PARD3B: variants seen among roughly 807,000 people sequenced by gnomAD.
PARD3B encodes the protein par-3 family cell polarity regulator beta.
A neutral mutation model predicts 130.2 loss-of-function variants in PARD3B; 103 were observed. The ratio of observed to expected loss-of-function variants is 0.79; its 90% CI spans 0.67 to 0.93. PARD3B has a LOEUF of 0.93. PARD3B is among the 40% of genes least tolerant of loss of function. PARD3B has a pLI of 0.00. For missense variants in PARD3B, 1,609 were observed against 1,499.2 expected (o/e 1.07, Z -1.21); for synonymous variants, 583 against 553.2 (o/e 1.05, Z -0.76).
intron 16 of PARD3B, among the ~76,000 whole-genome samples, chr2:205,279,078 A>AAAAAC (rs1553657173): frequency 1.1e-4 from 16 of 149,272 alleles, no homozygotes; most frequent in Non-Finnish European, 2.4e-4. Context: ...CTCAAAAAAA[A>AAAAAC]AAAAAAAAAA....
rs1175389832 is a variant in PARD3B at position 205,572,595 on chromosome 2, A to C, written c.3260+19192A>C. ...CCTCATCTCTACTAAAATACAAAAA[A>C]TTAGCCGGGCATAGTGGTGGGCACC... On this transcript the variant is annotated intron_variant, in intron 22 of 22. Coordinates refer to ENST00000406610, the MANE Select transcript of PARD3B (RefSeq NM_001302769.2). This position sits in a 1 kb window ranked among gnomAD's most constrained non-coding sequence, Gnocchi z 4.2. 6.6e-6 allele frequency among the ~76,000 whole-genome samples: 1 copy of C among 152,156 alleles called. No homozygotes were observed. Among genetic ancestry groups the C allele is most frequent in the East Asian group, 1.9e-4 (1 of 5,188 alleles).
intron 4 of PARD3B, among the ~76,000 whole-genome samples, chr2:205,069,985 C>T (rs894950957): frequency 6.6e-6 from 1 of 152,130 alleles, no homozygotes; most frequent in Non-Finnish European, 1.5e-5. Flanking sequence ...TCCTGTGATA[C>T]CCCACCCTTG....
Position 205,550,973 on chromosome 2 carries a change from A to G in PARD3B, c.3181-2351A>G, listed in dbSNP as rs200716850. On this transcript the variant is annotated intron_variant, in intron 21 of 22. Coordinates refer to ENST00000406610, the MANE Select transcript of PARD3B (RefSeq NM_001302769.2). The surrounding 1 kb of genome is among the most constrained non-coding windows in gnomAD (Gnocchi z 4.5). ...TATATGTGTATATATATATATATAT[A>G]TATACACACACACACACACACACAC... Among the ~76,000 whole-genome samples the G allele has an allele frequency of 1.3e-3, 130 of 100,624 alleles. 1 individual carries two copies. The East Asian group carries it at 0.034, about 26-fold the overall frequency. 66.0% of individuals were successfully genotyped at this position (100,624 alleles called of 152,430 possible).
chr2:204,823,383 TA>T (rs1450005031), intron 2 of PARD3B, among the ~76,000 whole-genome samples: 1 of 151,878 alleles, frequency 6.6e-6, no homozygotes, highest in Non-Finnish European at 1.5e-5. Context: ...AATAAAATAA[TA>T]TATATTATTT....
chr2:204,773,997 C>G (rs2041504631), intron 2 of PARD3B, among the ~76,000 whole-genome samples: 1 of 151,920 alleles, frequency 6.6e-6, no homozygotes, highest in African/African-American at 2.4e-5. Context: ...TTGACTCTGG[C>G]CATATTAGCT....
At chr2:204,756,582 A>G (rs2040683821) in intron 2 of PARD3B, among the ~76,000 whole-genome samples, 1 of 152,146 alleles carries the variant, frequency 6.6e-6, no homozygotes, top group East Asian at 1.9e-4. Context: ...TTTTCAACTG[A>G]AAGTAGACAT....
chr2:204,611,818 A>G (rs1390242216), intron 1 of PARD3B, among the ~76,000 whole-genome samples: 1 of 146,696 alleles, frequency 6.8e-6, no homozygotes, highest in Non-Finnish European at 1.5e-5. Flanking sequence ...GGGTATAGGA[A>G]CAACAACAAC....
chr2:204,765,728 C>T (rs1483027844), intron 2 of PARD3B, among the ~76,000 whole-genome samples: 2 of 152,100 alleles, frequency 1.3e-5, no homozygotes, highest in Non-Finnish European at 2.9e-5. Context: ...GAACATTTAT[C>T]AGGTGCCCTT....
intron 21 of PARD3B, among the ~76,000 whole-genome samples, chr2:205,528,098 C>A (rs1420804442): frequency 6.6e-6 from 1 of 152,168 alleles, no homozygotes; most frequent in Non-Finnish European, 1.5e-5. Context: ...GGTTAGACAG[C>A]ATCCCATTGG....
intron 3 of PARD3B, among the ~76,000 whole-genome samples, chr2:205,035,825 ATAT>A (rs1697808400): frequency 2.6e-5 from 1 of 38,216 alleles, no homozygotes; most frequent in Admixed American, 3.4e-4. Context: ...ATATATCTAT[ATAT>A]CTATATATAT....
rs1475876399 is a variant in PARD3B, at chr2:205,413,722, G to GTGGCTGAA, written c.2741+12600_2741+12607dup. Among the ~76,000 whole-genome samples the GTGGCTGAA allele has an allele frequency of 2.6e-5, 4 of 152,186 alleles. No individual in the cohort carries two copies. In the East Asian group the frequency reaches 7.7e-4, roughly 29 times the overall value. Reference sequence around the variant, plus strand: ...CAGGACTATCAACACTTGTTTCCCTGTGGCTGAACCAGATCCTGAGAGACA... The same window carrying GTGGCTGAA: ...CAGGACTATCAACACTTGTTTCCCTGTGGCTGAATGGCTGAACCAGATCCTGAGAGACA... On this transcript the variant is annotated intron_variant, in intron 19 of 22. Transcript: ENST00000406610.
At position 204,847,250 on chromosome 2, in the gene PARD3B, A is replaced by G. The variant is rs182008728; in HGVS notation, c.223-117902A>G. ...GCTGCTGTCCTCTATTGCTATAACT[A>G]TAGAACAGTGGTTTTCAAATGGCTT... On this transcript the variant is annotated intron_variant, in intron 2 of 22. Coordinates refer to ENST00000406610, the MANE Select transcript of PARD3B (RefSeq NM_001302769.2). Among the ~76,000 whole-genome samples the G allele has an allele frequency of 1.8e-3, 273 of 147,698 alleles. 3 individuals carry two copies. The highest frequency in any genetic ancestry group is 0.016 in the South Asian group (75 of 4,708).
intron 20 of PARD3B, among the ~76,000 whole-genome samples, chr2:205,490,988 T>G (rs1408089317): frequency 1.3e-5 from 2 of 152,226 alleles, no homozygotes; most frequent in Non-Finnish European, 2.9e-5. Flanking sequence ...TGGAGTTCAT[T>G]GTAGATTCTG....
At chr2:205,261,454 A>C (rs1343246213) in intron 16 of PARD3B, among the ~76,000 whole-genome samples, 1 of 152,196 alleles carries the variant, frequency 6.6e-6, no homozygotes, top group Non-Finnish European at 1.5e-5. Flanking sequence ...CATTGTGTTT[A>C]ATGCAGATTA....
At chr2:205,454,544 T>A (rs1381515946) in intron 20 of PARD3B, among the ~76,000 whole-genome samples, 4 of 152,174 alleles carry the variant, frequency 2.6e-5, no homozygotes, top group Non-Finnish European at 5.9e-5. Context: ...GCCATTGTTT[T>A]GCACAGACTT....
intron 3 of PARD3B, among the ~76,000 whole-genome samples, chr2:205,005,536 C>G (rs1305854375): frequency 6.6e-6 from 1 of 152,046 alleles, no homozygotes; most frequent in African/African-American, 2.4e-5. Flanking sequence ...CTCATCAAGC[C>G]TTTCAGATAG....
At chr2:205,482,296 C>T (rs2049266905) in intron 20 of PARD3B, among the ~76,000 whole-genome samples, 1 of 152,148 alleles carries the variant, frequency 6.6e-6, no homozygotes, top group African/African-American at 2.4e-5. Flanking sequence ...AGAAGAGAGA[C>T]TTGCCACAAG....
intron 22 of PARD3B, among the ~76,000 whole-genome samples, chr2:205,570,663 A>G (rs987420166): frequency 2.0e-5 from 3 of 152,166 alleles, no homozygotes; most frequent in African/African-American, 7.2e-5. Context: ...CATCAAACTC[A>G]TCCTCCTCGC....
chr2:205,235,478 G>A lies in PARD3B; in HGVS notation c.2141-10300G>A, dbSNP rs112019404. ...GTCTCCACCCCCCTTGTCTACAGGGGATATGCCCCAGGACCCCCAGTGGAT... is the reference window on the plus strand; with the variant it reads ...GTCTCCACCCCCCTTGTCTACAGGGAATATGCCCCAGGACCCCCAGTGGAT... On this transcript the variant is annotated intron_variant, in intron 15 of 22. Transcript: ENST00000406610. 5.6e-3 allele frequency among the ~76,000 whole-genome samples: 853 copies of A among 152,176 alleles called. 6 individuals are homozygous for A. The highest frequency in any genetic ancestry group is 9.3e-3 in the Non-Finnish European group (633 of 67,986).
Sources: gnomAD v4.1 joint callset for allele counts (sites outside exome capture counted in the v4.1 genomes callset) on GRCh38, gnomAD v4.1.1 for gene constraint, Gnocchi (gnomAD v3.1) non-coding constraint, MANE v1.5 for transcripts, NCBI Gene and HGNC (gene_info 2026-07-23, HGNC 2026-07-21) for gene names.